The following TSPAN5 variants were observed in gnomAD, a reference collection of about 807,000 sequenced individuals.
The protein encoded by TSPAN5 is tetraspanin-5.
Under a neutral mutation model 37.1 loss-of-function variants are expected in TSPAN5, and 10 were observed. The observed-to-expected ratio is 0.27, with a 90% confidence interval of 0.17 to 0.46. TSPAN5 has a LOEUF of 0.46. Among genes scored for constraint, TSPAN5 ranks in the 20% least tolerant of loss-of-function variants. The probability of loss-of-function intolerance (pLI) is 1.00; values close to 1 mark genes in which losing one functional copy is unlikely to be tolerated. For synonymous variants in TSPAN5, 110 were observed against 118.9 expected (o/e 0.93, Z 0.48); for missense variants, 195 against 326.6 (o/e 0.60, Z 3.11).
intron 1 of TSPAN5, among the ~76,000 whole-genome samples, chr4:98,556,173 T>C (rs1177862513): frequency 2.6e-5 from 4 of 152,128 alleles, no homozygotes; most frequent in Admixed American, 1.3e-4. Context: ...AGAGACATTT[T>C]ATGCCAAATC....
At chr4:98,569,464 G>A (rs1011991184) in intron 1 of TSPAN5, among the ~76,000 whole-genome samples, 11 of 152,178 alleles carry the variant, frequency 7.2e-5, no homozygotes, top group African/African-American at 1.7e-4. Context: ...CTGCAGGGAC[G>A]TCCTATTAGA....
chr4:98,582,717 T>G (rs1486832963), intron 1 of TSPAN5, among the ~76,000 whole-genome samples: 1 of 152,144 alleles, frequency 6.6e-6, no homozygotes. Context: ...ATCACTGAAG[T>G]TCGGAGATGG....
At chr4:98,634,615 T>A (rs981288431) in intron 1 of TSPAN5, among the ~76,000 whole-genome samples, 1 of 152,212 alleles carries the variant, frequency 6.6e-6, no homozygotes, top group East Asian at 1.9e-4. Context: ...TTGTCCCAAA[T>A]TAAATTTTTT....
chr4:98,483,115 T>C (rs913912782), intron 3 of TSPAN5: 1 of 152,196 alleles, frequency 6.6e-6, no homozygotes, highest in Non-Finnish European at 1.5e-5. Flanking sequence ...GTTGTTAAAA[T>C]AGATTATGAG....
intron 1 of TSPAN5, among the ~76,000 whole-genome samples, chr4:98,529,490 C>T (rs899414289): frequency 2.9e-5 from 3 of 101,952 alleles, no homozygotes; most frequent in African/African-American, 4.7e-5. Context: ...GGCACAGTTA[C>T]GAACTTGTGT....
chr4:98,499,093 G>A (rs145440218), intron 2 of TSPAN5, among the ~76,000 whole-genome samples: 2,021 of 152,300 alleles, frequency 0.013, 24 homozygotes, highest in Non-Finnish European at 0.016. Context: ...TGGTCACCTG[G>A]AATTGAGATG....
chr4:98,631,536 G>A (rs1304350343), intron 1 of TSPAN5, among the ~76,000 whole-genome samples: 2 of 151,828 alleles, frequency 1.3e-5, no homozygotes, highest in Admixed American at 6.6e-5. Flanking sequence ...GGGCCTCCAC[G>A]AGTCTTAGAT....
chr4:98,479,510 G>A (rs1752788121), intron 4 of TSPAN5, among the ~76,000 whole-genome samples: 1 of 152,162 alleles, frequency 6.6e-6, no homozygotes, highest in African/African-American at 2.4e-5. Context: ...TCCTATCCCA[G>A]AAAAGCAGAT....
chr4:98,631,553 C>G (rs992023990), intron 1 of TSPAN5, among the ~76,000 whole-genome samples: 2 of 152,056 alleles, frequency 1.3e-5, no homozygotes, highest in African/African-American at 2.4e-5. Context: ...AGATGCCTGA[C>G]CCTGCAGGGC....
intron 1 of TSPAN5, among the ~76,000 whole-genome samples, chr4:98,539,559 A>C (rs1016158969): frequency 1.3e-5 from 2 of 152,262 alleles, no homozygotes; most frequent in Admixed American, 1.3e-4. Context: ...TCAACATTGC[A>C]TTCCCTTTAG....
At chr4:98,599,434 A>G (rs1018915607) in intron 1 of TSPAN5, among the ~76,000 whole-genome samples, 2 of 152,212 alleles carry the variant, frequency 1.3e-5, no homozygotes, top group African/African-American at 2.4e-5. Flanking sequence ...CTTTTTAAAA[A>G]AATTCAACTT....
At chr4:98,643,125 G>A (rs1448957478) in intron 1 of TSPAN5, among the ~76,000 whole-genome samples, 3 of 152,146 alleles carry the variant, frequency 2.0e-5, no homozygotes, top group Admixed American at 6.5e-5. Context: ...CGTGGTAAGT[G>A]CCCTACATTG....
At chr4:98,599,651 G>A (rs1018652106) in intron 1 of TSPAN5, among the ~76,000 whole-genome samples, 3 of 152,258 alleles carry the variant, frequency 2.0e-5, no homozygotes, top group Admixed American at 6.5e-5. Context: ...AGTTTTGCCT[G>A]TTCCAGAACT....
intron 3 of TSPAN5, chr4:98,485,402 T>C (rs1752938631): frequency 1.3e-5 from 2 of 152,236 alleles, no homozygotes; most frequent in Non-Finnish European, 2.9e-5. Context: ...AGACACTGTG[T>C]GTGTGTGTGT....
At chr4:98,509,145 C>T (rs1272609403) in intron 1 of TSPAN5, among the ~76,000 whole-genome samples, 1 of 152,114 alleles carries the variant, frequency 6.6e-6, no homozygotes, top group African/African-American at 2.4e-5. Flanking sequence ...TGAAAAGAGA[C>T]AAGAAGTTTC....
At chr4:98,494,999 C>G (rs1377088193) in intron 2 of TSPAN5, among the ~76,000 whole-genome samples, 1 of 152,138 alleles carries the variant, frequency 6.6e-6, no homozygotes, top group Non-Finnish European at 1.5e-5. Context: ...AGTGGTGCAG[C>G]AGAGAAGAAA....
chr4:98,571,912 G>A (rs1162141814), intron 1 of TSPAN5, among the ~76,000 whole-genome samples: 3 of 152,070 alleles, frequency 2.0e-5, no homozygotes, highest in South Asian at 2.1e-4. Flanking sequence ...ATTACAGTCC[G>A]GTGGTGGAGA....
chr4:98,540,004 C>T (rs530395941), intron 1 of TSPAN5, among the ~76,000 whole-genome samples: 6 of 151,608 alleles, frequency 4.0e-5, no homozygotes, highest in South Asian at 2.1e-4. Flanking sequence ...GTAGACCCTG[C>T]AGCCCCAGAC....
At chr4:98,550,705 A>G (rs1453304798) in intron 1 of TSPAN5, among the ~76,000 whole-genome samples, 3 of 151,566 alleles carry the variant, frequency 2.0e-5, no homozygotes, top group East Asian at 1.9e-4. Flanking sequence ...CAGAAAAGCT[A>G]CTGATTTCTA....
Sources: allele counts gnomAD v4.1 joint callset (sites outside exome capture counted in the v4.1 genomes callset), GRCh38; gene constraint gnomAD v4.1.1; transcripts MANE v1.5; gene names NCBI Gene and HGNC (gene_info 2026-07-23, HGNC 2026-07-21).